The following UBQLN1 variants were observed in gnomAD, a reference collection of about 807,000 sequenced individuals.
UBQLN1 encodes ubiquilin-1.
A neutral mutation model predicts 65.4 loss-of-function variants in UBQLN1; 13 were observed. The ratio of observed to expected loss-of-function variants is 0.20; its 90% CI spans 0.13 to 0.32. The LOEUF is 0.32. Among genes scored for constraint, UBQLN1 ranks in the 10% least tolerant of loss-of-function variants. UBQLN1 has a pLI of 1.00. For synonymous variants in UBQLN1, 267 were observed against 247.8 expected, an observed-to-expected ratio of 1.08 and a Z score of -0.73; for missense variants, 561 against 724.0, an observed-to-expected ratio of 0.77 and a Z score of 2.58.
intron 2 of UBQLN1, among the ~76,000 whole-genome samples, chr9:83,684,805 C>T (rs1832011439): frequency 1.4e-5 from 2 of 142,694 alleles, no homozygotes; most frequent in South Asian, 2.2e-4. Flanking sequence ...AGTGAAATTC[C>T]GTCTCAAAAA....
rs2131137171 is a variant in UBQLN1, at chr9:83,661,562, A to C, written c.*225T>G. 1 of 392,558 alleles carries C rather than the reference A, an allele frequency of 2.5e-6. No homozygotes were observed. The highest frequency in any genetic ancestry group is 1.1e-4 in the South Asian group (1 of 9,226). The allele number at this position is 392,558 out of a possible 1,614,324, so 24.3% of individuals were successfully genotyped here. A position where few individuals can be genotyped will look rare whatever the true frequency, so the allele number is the denominator to read the frequency against. ...GTGATGTTTTTAAAAAATTACAATA[A>C]ATGCAGAAGTGATGCATGCAGTAGC... On this transcript the variant is annotated 3_prime_UTR_variant, in exon 11 of 11. Coordinates refer to ENST00000376395, the MANE Select transcript of UBQLN1 (RefSeq NM_013438.5).
intron 6 of UBQLN1, 131 bp downstream of exon 6, chr9:83,677,596 T>C (rs1831857231): frequency 4.6e-6 from 3 of 654,766 alleles, no homozygotes; most frequent in Admixed American, 3.4e-5. Flanking sequence ...AAAAGCAACA[T>C]GAAAAATATA....
At chr9:83,703,072 A>G (rs983067242) in intron 1 of UBQLN1, among the ~76,000 whole-genome samples, 4 of 152,116 alleles carry the variant, frequency 2.6e-5, no homozygotes, top group African/African-American at 7.2e-5. Flanking sequence ...TCTCACATAT[A>G]TAACTCTCCA....
At chr9:83,664,133 C>T (rs1225372375) in intron 9 of UBQLN1, 90 bp from the exon 10 acceptor site, 14 of 1,426,922 alleles carry the variant, frequency 9.8e-6, no homozygotes, top group Non-Finnish European at 1.2e-5. Flanking sequence ...TAAGCTAAGC[C>T]ATCTTCTTAA....
chr9:83,681,642 T>C (rs1289545974), intron 3 of UBQLN1, among the ~76,000 whole-genome samples: 1 of 152,230 alleles, frequency 6.6e-6, no homozygotes, highest in Non-Finnish European at 1.5e-5. Flanking sequence ...AATGTATTAA[T>C]GCATTCTTGA....
At chr9:83,690,295 C>A (rs1274654867) in intron 1 of UBQLN1, among the ~76,000 whole-genome samples, 2 of 152,122 alleles carry the variant, frequency 1.3e-5, no homozygotes, top group Non-Finnish European at 2.9e-5. Flanking sequence ...ATCACGGATA[C>A]CTCAACACGA....
intron 1 of UBQLN1, among the ~76,000 whole-genome samples, chr9:83,700,421 A>C (rs1396985434): frequency 1.3e-5 from 2 of 152,244 alleles, no homozygotes; most frequent in African/African-American, 4.8e-5. Context: ...ATAATGGACT[A>C]GATTCATCTG....
At chr9:83,700,511 T>C (rs1255718691) in intron 1 of UBQLN1, among the ~76,000 whole-genome samples, 1 of 152,216 alleles carries the variant, frequency 6.6e-6, no homozygotes, top group African/African-American at 2.4e-5. Context: ...AGGAATCACA[T>C]AAATATACAA....
Position 83,683,071 on chromosome 9 carries a change from G to A in UBQLN1, c.333-5C>T. ...TGAGCTGAATGATCCTGAGGCCTAG[G>A]GAAAATAATTAATCACAGAGTAAGC... is the stretch of plus-strand genomic sequence containing the variant. On this transcript the variant is annotated splice_region_variant and splice_polypyrimidine_tract_variant and intron_variant, in intron 2 of 10. Transcript: ENST00000376395. 6.3e-7 allele frequency: 1 copy of A among 1,595,462 alleles called. No individual in the cohort carries two copies. Among genetic ancestry groups the A allele is most frequent in the South Asian group, 1.1e-5 (1 of 90,318 alleles).
At chr9:83,705,224 T>C (rs572835614) in intron 1 of UBQLN1, among the ~76,000 whole-genome samples, 2 of 147,568 alleles carry the variant, frequency 1.4e-5, no homozygotes, top group South Asian at 2.1e-4. Context: ...TTTCAGTATA[T>C]GTGCTGCTGA....
intron 6 of UBQLN1, among the ~76,000 whole-genome samples, chr9:83,674,958 T>C (rs569097904): frequency 5.9e-5 from 9 of 152,322 alleles, no homozygotes; most frequent in Admixed American, 4.6e-4. Context: ...GTTGGACATA[T>C]TTTCAAAGCA....
chr9:83,662,406 A>T (rs772156624), intron 10 of UBQLN1, among the ~76,000 whole-genome samples: 1 of 152,164 alleles, frequency 6.6e-6, no homozygotes, highest in Non-Finnish European at 1.5e-5. Flanking sequence ...TAAAGCTTCA[A>T]TGATTCTTCG....
Position 83,707,828 on chromosome 9 carries a change from A to T in UBQLN1, c.-149T>A. 1 of 1,254,050 alleles carries T rather than the reference A, an allele frequency of 8.0e-7. No individual in the cohort carries two copies. The highest frequency in any genetic ancestry group is 1.0e-6 in the Non-Finnish European group (1 of 954,958). 77.7% of individuals were successfully genotyped at this position (1,254,050 alleles called of 1,614,324 possible). A position where few individuals can be genotyped will look rare whatever the true frequency, so the allele number is the denominator to read the frequency against. ...GTAGCAACGGGCGCAGGGCCACCGT[A>T]GCGGGTGTGGGGCCCCGGAGCTCGG... On this transcript the variant is annotated 5_prime_UTR_variant, in exon 1 of 11. Transcript: ENST00000376395.
At chr9:83,686,511 C>G (rs10122134) in intron 1 of UBQLN1, among the ~76,000 whole-genome samples, 29,740 of 152,014 alleles carry the variant, frequency 0.2, 3,133 homozygotes, top group African/African-American at 0.25. Context: ...CACAAAGGTC[C>G]TACTATAGGT....
intron 2 of UBQLN1, among the ~76,000 whole-genome samples, chr9:83,684,169 T>A (rs1831998194): frequency 6.6e-6 from 1 of 151,914 alleles, no homozygotes; most frequent in South Asian, 2.1e-4. Context: ...AGCCAACAAA[T>A]CAATATGATT....
At chr9:83,688,337 T>C (rs1316579154) in intron 1 of UBQLN1, among the ~76,000 whole-genome samples, 1 of 152,176 alleles carries the variant, frequency 6.6e-6, no homozygotes, top group Admixed American at 6.6e-5. Context: ...AACTGGTAGT[T>C]AGGATTCAAA....
chr9:83,707,131 C>T (rs570949562), intron 1 of UBQLN1, among the ~76,000 whole-genome samples: 24 of 152,158 alleles, frequency 1.6e-4, no homozygotes, highest in Non-Finnish European at 3.4e-4. Flanking sequence ...GAACCCTCGC[C>T]CCCGCCCAGC....
chr9:83,696,643 A>T (rs1832220523), intron 1 of UBQLN1, among the ~76,000 whole-genome samples: 1 of 58,656 alleles, frequency 1.7e-5, no homozygotes, highest in African/African-American at 5.1e-5. Flanking sequence ...TGTCTAAAAA[A>T]GGAAAAAAAA....
intron 1 of UBQLN1, among the ~76,000 whole-genome samples, chr9:83,692,454 T>G (rs753184562): frequency 2.6e-5 from 4 of 152,224 alleles, no homozygotes; most frequent in Non-Finnish European, 5.9e-5. Context: ...AGTATTGATA[T>G]GGAAAAACTT....
Sources: allele counts gnomAD v4.1 joint callset (sites outside exome capture counted in the v4.1 genomes callset), GRCh38; gene constraint gnomAD v4.1.1; transcripts MANE v1.5; gene names NCBI Gene and HGNC (gene_info 2026-07-23, HGNC 2026-07-21).